The following ASAP2 variants were observed in gnomAD, a reference collection of about 807,000 sequenced individuals.
The protein encoded by ASAP2 is ArfGAP with SH3 domain, ankyrin repeat and PH domain 2, also known as arf-GAP with SH3 domain, ANK repeat and PH domain-containing protein 2.
In ASAP2, 45 loss-of-function variants were observed where a neutral mutation model predicts 131.4. The observed-to-expected ratio is 0.34, with a 90% confidence interval of 0.27 to 0.44. ASAP2 has a LOEUF of 0.44. ASAP2 is among the 20% of genes least tolerant of loss of function. The probability of loss-of-function intolerance (pLI) is 1.00; values close to 1 mark genes in which losing one functional copy is unlikely to be tolerated. For missense variants in ASAP2, 1,011 were observed against 1,297.0 expected, an observed-to-expected ratio of 0.78 and a Z score of 3.39; for synonymous variants, 510 against 503.0, an observed-to-expected ratio of 1.01 and a Z score of -0.19.
chr2:9,358,228 T>G (rs1312537266), intron 14 of ASAP2, among the ~76,000 whole-genome samples: 1 of 152,258 alleles, frequency 6.6e-6, no homozygotes, highest in Non-Finnish European at 1.5e-5. Context: ...CTGTGATTGC[T>G]GAAGCTCTTA....
At chr2:9,283,393 A>G (rs1255314172) in intron 2 of ASAP2, among the ~76,000 whole-genome samples, 1 of 152,166 alleles carries the variant, frequency 6.6e-6, no homozygotes, top group African/African-American at 2.4e-5. Flanking sequence ...GTTGGCTTAA[A>G]ATGGCACAAA....
At chr2:9,310,955 C>T (rs1162781874) in intron 3 of ASAP2, among the ~76,000 whole-genome samples, 1 of 152,166 alleles carries the variant, frequency 6.6e-6, no homozygotes, top group Non-Finnish European at 1.5e-5. Flanking sequence ...GCTGCCTGCC[C>T]CACTGACTGA....
intron 14 of ASAP2, among the ~76,000 whole-genome samples, chr2:9,357,576 G>A (rs1672804045): frequency 6.6e-6 from 1 of 152,204 alleles, no homozygotes; most frequent in South Asian, 2.1e-4. Flanking sequence ...AAAGGGTAAA[G>A]ACAGTCTATG....
intron 24 of ASAP2, among the ~76,000 whole-genome samples, chr2:9,393,969 C>G (rs943587109): frequency 6.6e-5 from 10 of 152,134 alleles, no homozygotes; most frequent in African/African-American, 2.2e-4. Flanking sequence ...TTGTTTTGAA[C>G]ACATAGACCC....
At chr2:9,271,009 A>G (rs1424540022) in intron 1 of ASAP2, among the ~76,000 whole-genome samples, 89 of 151,326 alleles carry the variant, frequency 5.9e-4, no homozygotes, top group Admixed American at 9.2e-4. Context: ...TAGCCAGGAT[A>G]GTCTCGATCT....
intron 21 of ASAP2, among the ~76,000 whole-genome samples, chr2:9,387,400 T>C (rs1467851356): frequency 6.6e-6 from 1 of 152,186 alleles, no homozygotes; most frequent in Admixed American, 6.5e-5. Flanking sequence ...GACATGGCTA[T>C]GTTCCAATAA....
chr2:9,341,220 C>G (rs548519867), intron 9 of ASAP2, among the ~76,000 whole-genome samples: 40 of 152,258 alleles, frequency 2.6e-4, no homozygotes, highest in African/African-American at 7.9e-4. Context: ...CTCTGTCAGG[C>G]CTTCACCTGG....
chr2:9,218,060 G>A (rs1662175438), intron 1 of ASAP2, among the ~76,000 whole-genome samples: 1 of 152,112 alleles, frequency 6.6e-6, no homozygotes, highest in South Asian at 2.1e-4. Context: ...ATAGTGACAT[G>A]CCTCCAGGTT....
At chr2:9,338,039 C>T (rs1320806026) in intron 9 of ASAP2, among the ~76,000 whole-genome samples, 4 of 152,216 alleles carry the variant, frequency 2.6e-5, no homozygotes, top group African/African-American at 4.8e-5. Context: ...GCTCTCTCCC[C>T]GTCAGCCTCG....
rs137935465 is a variant in ASAP2, at chr2:9,323,023, G to A, written c.471-98G>A. On this transcript the variant is annotated intron_variant, in intron 5 of 27. Coordinates refer to ENST00000281419, the MANE Select transcript of ASAP2 (RefSeq NM_003887.3). ...GCCTGTGCTGAAACGTGTGGTGAGC[G>A]TTGGTCTCGCCAGGCTGGGTACTGG... The A allele has an allele frequency of 3.2e-4, 472 of 1,453,134 alleles. 1 individual carries two copies. The African/African-American group carries it at 4.6e-3, about 14-fold the overall frequency. The allele number at this position is 1,453,134 out of a possible 1,614,324, so 90.0% of individuals were successfully genotyped here.
chr2:9,386,974 G>A (rs1428812594), intron 21 of ASAP2, among the ~76,000 whole-genome samples: 1 of 152,136 alleles, frequency 6.6e-6, no homozygotes, highest in Non-Finnish European at 1.5e-5. Flanking sequence ...GGAGGCTGAG[G>A]CGGGCGGATC....
At position 9,400,738 on chromosome 2, in the gene ASAP2, A is replaced by T; in HGVS notation, c.2735-4A>T. On this transcript the variant is annotated splice_region_variant and splice_polypyrimidine_tract_variant and intron_variant, in intron 25 of 27. Coordinates refer to ENST00000281419, the MANE Select transcript of ASAP2 (RefSeq NM_003887.3). ...TCTTAAGCTGCTTCATTTTTGCCCT[A>T]CAGTGGATCTCTCTGCAACGGAAGC... The T allele has an allele frequency of 1.2e-6, 2 of 1,612,792 alleles. No individual in the cohort carries two copies. Among genetic ancestry groups the T allele is most frequent in the Non-Finnish European group, 1.7e-6 (2 of 1,179,158 alleles).
At chr2:9,330,628 T>C (rs966282671) in intron 7 of ASAP2, among the ~76,000 whole-genome samples, 5 of 152,230 alleles carry the variant, frequency 3.3e-5, no homozygotes, top group African/African-American at 1.2e-4. Flanking sequence ...TCAAGATGAA[T>C]TATTTTATGG....
intron 16 of ASAP2, among the ~76,000 whole-genome samples, chr2:9,373,860 A>T (rs1401649349): frequency 6.6e-6 from 1 of 152,198 alleles, no homozygotes; most frequent in African/African-American, 2.4e-5. Flanking sequence ...TGTAAAATGC[A>T]TGTACTCTGT....
intron 2 of ASAP2, among the ~76,000 whole-genome samples, chr2:9,288,401 G>GGTGA (rs1409369857): frequency 6.6e-6 from 1 of 152,156 alleles, no homozygotes; most frequent in African/African-American, 2.4e-5. Flanking sequence ...TGTCCCTGAG[G>GGTGA]GTGAGGCTCC....
At chr2:9,400,192 C>A (rs1001314347) in intron 25 of ASAP2, 120 bp downstream of exon 25, 3 of 1,041,750 alleles carry the variant, frequency 2.9e-6, no homozygotes, top group Admixed American at 4.1e-5. Context: ...ATTCCACAGC[C>A]CTCCTGCCCC....
intron 3 of ASAP2, among the ~76,000 whole-genome samples, chr2:9,312,116 C>G (rs577822897): frequency 8.5e-5 from 13 of 152,168 alleles, no homozygotes; most frequent in Non-Finnish European, 1.6e-4. Context: ...GCAACCATCA[C>G]CTCAAATCCG....
chr2:9,380,181 A>C (rs560027436), intron 19 of ASAP2, among the ~76,000 whole-genome samples: 1 of 151,820 alleles, frequency 6.6e-6, no homozygotes. Context: ...CTGCTTCAAC[A>C]GTTTTTGTTT....
At chr2:9,226,459 C>T (rs1404161991) in intron 1 of ASAP2, among the ~76,000 whole-genome samples, 1 of 152,214 alleles carries the variant, frequency 6.6e-6, no homozygotes, top group Non-Finnish European at 1.5e-5. Context: ...ACCTTTGCCT[C>T]ATTTCTTGAT....
Sources: gnomAD v4.1 joint callset for allele counts (sites outside exome capture counted in the v4.1 genomes callset) on GRCh38, gnomAD v4.1.1 for gene constraint, MANE v1.5 for transcripts, NCBI Gene and HGNC (gene_info 2026-07-23, HGNC 2026-07-21) for gene names.